The following ROBO2 variants were observed in gnomAD, a reference collection of about 807,000 sequenced individuals.
The protein encoded by ROBO2 is roundabout homolog 2.
Under a neutral mutation model 160.8 loss-of-function variants are expected in ROBO2, and 53 were observed. The ratio of observed to expected loss-of-function variants is 0.33; its 90% CI spans 0.26 to 0.41. The LOEUF (loss-of-function observed/expected upper bound fraction) is 0.41, where lower values mean the gene tolerates loss of function less well. Ranked by LOEUF, ROBO2 falls within the 10% of genes least tolerant of loss-of-function variation. The pLI, the probability that ROBO2 is intolerant of heterozygous loss-of-function variation, is 1.00. For synonymous variants in ROBO2, 664 were observed against 611.7 expected (o/e 1.09, Z -1.26); for missense variants, 1,577 against 1,722.4 (o/e 0.92, Z 1.49).
chr3:76,717,898 A>G (rs1367857021), intron 2 of ROBO2, among the ~76,000 whole-genome samples: 1 of 151,868 alleles, frequency 6.6e-6, no homozygotes, highest in Non-Finnish European at 1.5e-5. Flanking sequence ...ACAGAAACTC[A>G]TTAGATATTA....
At chr3:77,551,214 A>C (rs1443793224) in intron 8 of ROBO2, among the ~76,000 whole-genome samples, 1 of 152,034 alleles carries the variant, frequency 6.6e-6, no homozygotes, top group African/African-American at 2.4e-5. Flanking sequence ...TAATTCTTAA[A>C]AATAGAATAG....
At chr3:77,604,070 G>A (rs1003889889) in intron 20 of ROBO2, 1 of 152,012 alleles carries the variant, frequency 6.6e-6, no homozygotes, top group African/African-American at 2.4e-5. Flanking sequence ...CTTTTCCTCA[G>A]GAGATGGAAC....
At chr3:76,929,233 C>T (rs190192294) in intron 2 of ROBO2, among the ~76,000 whole-genome samples, 23 of 152,272 alleles carry the variant, frequency 1.5e-4, no homozygotes, top group East Asian at 1.2e-3. Flanking sequence ...GCACTCCAGG[C>T]TGCATGATGG....
chr3:76,734,137 G>C (rs1356389642), intron 2 of ROBO2, among the ~76,000 whole-genome samples: 2 of 152,076 alleles, frequency 1.3e-5, no homozygotes, highest in East Asian at 3.9e-4. Context: ...ATACGAACAT[G>C]GGGGCGGGGG....
intron 2 of ROBO2, among the ~76,000 whole-genome samples, chr3:77,228,151 C>T (rs1323032334): frequency 6.6e-6 from 1 of 151,984 alleles, no homozygotes; most frequent in African/African-American, 2.4e-5. Flanking sequence ...GTAATATTTA[C>T]AGGAATTTTA....
chr3:75,959,226 TG>T (rs1948822532), intron 2 of ROBO2, among the ~76,000 whole-genome samples: 1 of 151,810 alleles, frequency 6.6e-6, no homozygotes, highest in African/African-American at 2.4e-5. Context: ...TGTGTAATTT[TG>T]TAGCATTTTG....
At chr3:76,479,148 A>G (rs2079084076) in intron 2 of ROBO2, among the ~76,000 whole-genome samples, 1 of 152,184 alleles carries the variant, frequency 6.6e-6, no homozygotes, top group South Asian at 2.1e-4. Context: ...AAGGATCACA[A>G]TATAGCATTT....
chr3:76,625,361 A>C (rs779901155), intron 2 of ROBO2, among the ~76,000 whole-genome samples: 1 of 152,216 alleles, frequency 6.6e-6, no homozygotes, highest in Non-Finnish European at 1.5e-5. Context: ...TAAACAACTT[A>C]CTCAATATTG....
chr3:77,337,087 G>T (rs1035385923), intron 2 of ROBO2, among the ~76,000 whole-genome samples: 1 of 152,164 alleles, frequency 6.6e-6, no homozygotes, highest in African/African-American at 2.4e-5. Flanking sequence ...ATGATGTAAA[G>T]GGTTGGTTTT....
chr3:76,639,163 T>A (rs2090497726), intron 2 of ROBO2, among the ~76,000 whole-genome samples: 1 of 152,148 alleles, frequency 6.6e-6, no homozygotes, highest in Non-Finnish European at 1.5e-5. Flanking sequence ...TGTGCATGTA[T>A]ACATATGTGT....
At chr3:77,504,532 A>T (rs1437986924) in intron 5 of ROBO2, among the ~76,000 whole-genome samples, 1 of 152,194 alleles carries the variant, frequency 6.6e-6, no homozygotes, top group Non-Finnish European at 1.5e-5. Context: ...AAAGTAAAAG[A>T]GACCTGTTAT....
intron 2 of ROBO2, among the ~76,000 whole-genome samples, chr3:77,148,903 A>G (rs1453998075): frequency 6.6e-6 from 1 of 152,250 alleles, no homozygotes; most frequent in African/African-American, 2.4e-5. Flanking sequence ...TGAGATTTTT[A>G]AAAGAATGTT....
chr3:76,309,213 G>A (rs894554420), intron 2 of ROBO2, among the ~76,000 whole-genome samples: 1 of 152,182 alleles, frequency 6.6e-6, no homozygotes, highest in East Asian at 1.9e-4. Flanking sequence ...CATTTAAAGA[G>A]AGAGGAAATT....
chr3:76,544,320 T>G (rs1047105077), intron 2 of ROBO2, among the ~76,000 whole-genome samples: 3 of 152,040 alleles, frequency 2.0e-5, no homozygotes, highest in African/African-American at 4.8e-5. Context: ...TTTCACCCCA[T>G]GTTGATCCAT....
At chr3:77,529,882 T>C (rs2153633760) in intron 6 of ROBO2, among the ~76,000 whole-genome samples, 1 of 152,100 alleles carries the variant, frequency 6.6e-6, no homozygotes, top group South Asian at 2.1e-4. Context: ...TTGGATATGT[T>C]TTAATTGGAT....
chr3:76,529,063 G>C (rs138091621), intron 2 of ROBO2, among the ~76,000 whole-genome samples: 139 of 152,238 alleles, frequency 9.1e-4, no homozygotes, highest in Non-Finnish European at 1.8e-3. Context: ...GACTGAAATG[G>C]GTTCAAGAGA....
At chr3:77,560,194 C>T (rs775769) in intron 9 of ROBO2, among the ~76,000 whole-genome samples, 84,977 of 151,772 alleles carry the variant, frequency 0.56, 23,868 homozygotes, top group Middle Eastern at 0.68. Flanking sequence ...TCTGAGTAGT[C>T]TCTCTGAGAT....
intron 2 of ROBO2, among the ~76,000 whole-genome samples, chr3:77,146,893 G>A (rs556412284): frequency 6.6e-6 from 1 of 152,274 alleles, no homozygotes; most frequent in East Asian, 1.9e-4. Context: ...CTTGAACCCA[G>A]GAGGCGGAGG....
At chr3:75,951,486 G>T (rs1948534025) in intron 2 of ROBO2, among the ~76,000 whole-genome samples, 1 of 151,876 alleles carries the variant, frequency 6.6e-6, no homozygotes. Context: ...ATTAAATTTG[G>T]CTTGTAGGCC....
Sources: allele counts gnomAD v4.1 joint callset (sites outside exome capture counted in the v4.1 genomes callset), GRCh38; gene constraint gnomAD v4.1.1; transcripts MANE v1.5; gene names NCBI Gene and HGNC (gene_info 2026-07-23, HGNC 2026-07-21).